Variants in SLC35D2 observed in about 807,000 individuals in gnomAD.
The protein encoded by SLC35D2 is solute carrier family 35 member D2.
Under a neutral mutation model 41.8 loss-of-function variants are expected in SLC35D2, and 43 were observed. The observed-to-expected ratio is 1.03, with a 90% CI of 0.81 to 1.33. The LOEUF is 1.33. Among genes scored for constraint, SLC35D2 ranks in the 40% most tolerant of loss-of-function variants. The pLI is 0.00. For synonymous variants in SLC35D2, 150 were observed against 163.9 expected (o/e 0.92, Z 0.65); for missense variants, 380 against 408.4 (o/e 0.93, Z 0.60).
intron 6 of SLC35D2, among the ~76,000 whole-genome samples, chr9:96,345,682 A>G (rs941675531): frequency 1.3e-5 from 2 of 152,206 alleles, no homozygotes; most frequent in Non-Finnish European, 2.9e-5. Flanking sequence ...ATGAATCCAC[A>G]TAATAACTGG....
chr9:96,344,077 T>C (rs550611168), intron 7 of SLC35D2, 81 bp from the exon 8 acceptor site: 462 of 792,482 alleles, frequency 5.8e-4, no homozygotes, highest in Middle Eastern at 7.1e-4. Flanking sequence ...TACAACTGCA[T>C]ATTCATGCGA....
At chr9:96,370,261 G>C (rs1038414146) in intron 1 of SLC35D2, among the ~76,000 whole-genome samples, 20 of 152,158 alleles carry the variant, frequency 1.3e-4, no homozygotes, top group African/African-American at 4.8e-4. Context: ...CTGCCTCCTG[G>C]CATCACTTCC....
chr9:96,375,446 C>T (rs1830902249), intron 1 of SLC35D2, among the ~76,000 whole-genome samples: 1 of 151,046 alleles, frequency 6.6e-6, no homozygotes, highest in Admixed American at 6.6e-5. Flanking sequence ...GGCATGGTGG[C>T]TCATGCCTGT....
chr9:96,333,829 T>C (rs544992244), intron 9 of SLC35D2, among the ~76,000 whole-genome samples: 136 of 152,250 alleles, frequency 8.9e-4, no homozygotes, highest in Non-Finnish European at 1.5e-3. Context: ...AAGTTTACAA[T>C]GACATGAGAA....
chr9:96,321,412 GT>G, intron 11 of SLC35D2, 71 bp from the exon 12 acceptor site: 1 of 1,047,764 alleles, frequency 9.5e-7, no homozygotes, highest in Non-Finnish European at 1.5e-6. Context: ...AGTTGCTGGC[GT>G]TTTTATCAAT....
At position 96,346,417 on chromosome 9, in the gene SLC35D2, G is replaced by A. The variant is rs10990660; in HGVS notation, c.489-1016C>T. On this transcript the variant is annotated intron_variant, in intron 6 of 11. Transcript: ENST00000253270. Reference sequence around the variant, plus strand: ...GGTTCTTTTAGGGTTTGTTTATGCAGATGCATCTCAGGGCCGACCCTCCGT... The same window carrying A: ...GGTTCTTTTAGGGTTTGTTTATGCAAATGCATCTCAGGGCCGACCCTCCGT... 3.9e-4 allele frequency among the ~76,000 whole-genome samples: 59 copies of A among 152,310 alleles called. No individual in the cohort carries two copies. The East Asian group carries it at 0.011, about 27-fold the overall frequency.
chr9:96,327,600 C>T (rs1365388635), intron 9 of SLC35D2, among the ~76,000 whole-genome samples: 1 of 151,820 alleles, frequency 6.6e-6, no homozygotes, highest in Admixed American at 6.6e-5. Flanking sequence ...AGAAGGGCTG[C>T]ACTTCTTTTT....
At chr9:96,351,974 G>T in intron 5 of SLC35D2, 64 bp downstream of exon 5, 1 of 1,041,800 alleles carries the variant, frequency 9.6e-7, no homozygotes, top group East Asian at 2.5e-5. Context: ...ACTAGAATTT[G>T]CTGGGTAAAA....
chr9:96,319,152 C>T (rs1460532165), downstream of SLC35D2, among the ~76,000 whole-genome samples: 5 of 152,188 alleles, frequency 3.3e-5, no homozygotes, highest in East Asian at 1.9e-4. Context: ...AAACAGAATG[C>T]GGCAAATCCA....
intron 1 of SLC35D2, among the ~76,000 whole-genome samples, chr9:96,380,123 C>T (rs2131047133): frequency 6.6e-6 from 1 of 152,286 alleles, no homozygotes; most frequent in South Asian, 2.1e-4. Context: ...TCTCAAACTC[C>T]TGACCTCAGG....
chr9:96,362,520 A>G (rs1564118262), intron 3 of SLC35D2, among the ~76,000 whole-genome samples: 1 of 152,164 alleles, frequency 6.6e-6, no homozygotes, highest in Non-Finnish European at 1.5e-5. Flanking sequence ...AAAAGAAAAA[A>G]AAAAAGAATT....
chr9:96,361,881 G>A (rs1036890441), intron 3 of SLC35D2, among the ~76,000 whole-genome samples: 1 of 152,114 alleles, frequency 6.6e-6, no homozygotes, highest in South Asian at 2.1e-4. Context: ...CCAGAACTGT[G>A]AGGAGATCCA....
intron 9 of SLC35D2, among the ~76,000 whole-genome samples, chr9:96,329,023 G>A (rs532709797): frequency 6.6e-6 from 1 of 151,268 alleles, no homozygotes; most frequent in African/African-American, 2.4e-5. Context: ...AGGAGGCGGA[G>A]GTTGCAGTGA....
intron 9 of SLC35D2, 135 bp from the exon 10 acceptor site, chr9:96,324,304 A>C (rs1463194448): frequency 3.3e-6 from 2 of 610,750 alleles, no homozygotes; most frequent in African/African-American, 3.7e-5. Flanking sequence ...AAGGTTTTGT[A>C]ACCCACATCT....
intron 1 of SLC35D2, among the ~76,000 whole-genome samples, chr9:96,377,958 G>C (rs140904303): frequency 2.0e-5 from 3 of 152,204 alleles, no homozygotes; most frequent in Non-Finnish European, 4.4e-5. Flanking sequence ...CTCCATCAAG[G>C]GGGGTGAAGG....
chr9:96,328,216 C>G (rs918244044), intron 9 of SLC35D2, among the ~76,000 whole-genome samples: 8 of 148,224 alleles, frequency 5.4e-5, no homozygotes, highest in African/African-American at 2.0e-4. Context: ...AAAAGTATTG[C>G]TGAATTCTTA....
intron 7 of SLC35D2, 100 bp from the exon 8 acceptor site, chr9:96,344,096 T>C (rs1310772025): frequency 1.5e-6 from 1 of 669,694 alleles, no homozygotes; most frequent in South Asian, 2.2e-5. Context: ...GAAGTTAGAA[T>C]GTGCATTCTG....
chr9:96,321,168 G>A lies in SLC35D2; in HGVS notation c.*74C>T. On this transcript the variant is annotated 3_prime_UTR_variant, in exon 12 of 12. Coordinates refer to ENST00000253270, the MANE Select transcript of SLC35D2 (RefSeq NM_007001.3). ...TGGATGTCACGAATCCGAAACCTCT[G>A]GCTTCACATTCCTACTGGGAATGCC... is the stretch of plus-strand genomic sequence containing the variant. 2 of 1,148,338 alleles carry A rather than the reference G, an allele frequency of 1.7e-6. No homozygotes were observed. Among genetic ancestry groups the A allele is most frequent in the Admixed American group, 1.9e-5 (1 of 53,912 alleles). The allele number at this position is 1,148,338 out of a possible 1,614,324, so 71.1% of individuals were successfully genotyped here.
intron 4 of SLC35D2, among the ~76,000 whole-genome samples, chr9:96,352,767 G>A (rs903450597): frequency 2.6e-5 from 4 of 152,110 alleles, no homozygotes; most frequent in Non-Finnish European, 4.4e-5. Context: ...ACTGGGCACC[G>A]TGGCTCTCGC....
Sources: allele counts gnomAD v4.1 joint callset (sites outside exome capture counted in the v4.1 genomes callset), GRCh38; gene constraint gnomAD v4.1.1; transcripts MANE v1.5; gene names NCBI Gene and HGNC (gene_info 2026-07-23, HGNC 2026-07-21).